Variants in USP50 observed in about 807,000 individuals in gnomAD.
USP50 encodes the protein ubiquitin specific peptidase 50.
Under a neutral mutation model 39.2 loss-of-function variants are expected in USP50, and 37 were observed. That is an observed-to-expected ratio of 0.94 (90% confidence interval 0.73 to 1.24). The LOEUF is 1.24. USP50 is among the 50% of genes most tolerant of loss of function. The pLI is 0.00. For missense variants in USP50, 374 were observed against 398.2 expected (o/e 0.94, Z 0.52); for synonymous variants, 139 against 144.5 (o/e 0.96, Z 0.27).
At chr15:50,496,660 G>A (rs1199612456), downstream of USP50, among the ~76,000 whole-genome samples, 2 of 152,054 alleles carry the variant, frequency 1.3e-5, no homozygotes, top group East Asian at 3.8e-4. Flanking sequence ...AAGTTAATTT[G>A]GAAAGTTGTC....
At chr15:50,539,571 A>AC (rs1446660307) in intron 4 of USP50, among the ~76,000 whole-genome samples, 3 of 151,964 alleles carry the variant, frequency 2.0e-5, no homozygotes. Context: ...GCGTGCCACC[A>AC]CACCCAGCTA....
At chr15:50,493,385 C>T (rs769878403), downstream of USP50, 2 of 519,362 alleles carry the variant, frequency 3.9e-6, no homozygotes, top group East Asian at 1.1e-4. Flanking sequence ...ACCCATTTTA[C>T]CTTTCAAACC....
chr15:50,497,253 C>T, downstream of USP50: 1 of 1,576,986 alleles, frequency 6.3e-7, no homozygotes, highest in Non-Finnish European at 8.6e-7. Flanking sequence ...AGTTTGTCCT[C>T]CTGTTCAGTG....
chr15:50,544,583 T>C lies in USP50; in HGVS notation c.248+4A>G, dbSNP rs753946951. 1 of 1,611,552 alleles carries C rather than the reference T, an allele frequency of 6.2e-7. No individual in the cohort carries two copies. The highest frequency in any genetic ancestry group is 8.5e-7 in the Non-Finnish European group (1 of 1,178,668). On this transcript the variant is annotated splice_donor_region_variant and intron_variant, in intron 2 of 6. Coordinates refer to ENST00000532404, the MANE Select transcript of USP50 (RefSeq NM_203494.5). ...TGGGCTGCAGGGAATGCAAATGGTC[T>C]TACTTTTGCAGAGCGGTGATATACT...
intron 6 of USP50, chr15:50,501,953 A>G (rs1051525108): frequency 6.6e-6 from 1 of 152,192 alleles, no homozygotes; most frequent in Admixed American, 6.5e-5. Context: ...ATTTGTTTAC[A>G]CTTTTCAGTG....
At chr15:50,502,963 C>T (rs1319849642) in intron 6 of USP50, 2 of 152,238 alleles carry the variant, frequency 1.3e-5, no homozygotes, top group African/African-American at 4.8e-5. Context: ...GGCTAGTACA[C>T]AGGAGTTATT....
chr15:50,496,444 G>A (rs1052663854), downstream of USP50, among the ~76,000 whole-genome samples: 23 of 140,834 alleles, frequency 1.6e-4, no homozygotes, highest in Non-Finnish European at 6.0e-5. Flanking sequence ...TCTCGCCACT[G>A]CACTCCAGCC....
intron 5 of USP50, among the ~76,000 whole-genome samples, chr15:50,536,757 T>C (rs1031013918): frequency 6.6e-6 from 1 of 151,984 alleles, no homozygotes; most frequent in South Asian, 2.1e-4. Flanking sequence ...ACAAGACCTA[T>C]AGAAGGAAAA....
chr15:50,500,838 C>T lies in USP50; in HGVS notation c.937-1G>A. On this transcript the variant is annotated splice_acceptor_variant, in intron 6 of 6. Transcript: ENST00000532404. LOFTEE classifies it high-confidence loss of function. ...CACCATCCAAATCACCAAAATGGTT[C>T]TATGGGAGAAAGGAATGTCAAACTT... 1 of 1,576,632 alleles carries T rather than the reference C, an allele frequency of 6.3e-7. No individual in the cohort carries two copies. Among genetic ancestry groups the T allele is most frequent in the Non-Finnish European group, 8.6e-7 (1 of 1,160,290 alleles).
intron 6 of USP50, among the ~76,000 whole-genome samples, chr15:50,527,805 T>C (rs2052910355): frequency 6.6e-6 from 1 of 151,742 alleles, no homozygotes; most frequent in Non-Finnish European, 1.5e-5. Context: ...CAGCTAATTT[T>C]TTTGTATTTT....
intron 3 of USP50, among the ~76,000 whole-genome samples, chr15:50,542,481 A>AC (rs2053037476): frequency 1.0e-5 from 1 of 97,396 alleles, no homozygotes; most frequent in Non-Finnish European, 1.9e-5. Context: ...TTTCCTTTTC[A>AC]TTTTTTTTTT....
At chr15:50,512,005 A>C (rs1261677500) in intron 6 of USP50, 1 of 152,184 alleles carries the variant, frequency 6.6e-6, no homozygotes, top group Non-Finnish European at 1.5e-5. Context: ...CAAAAAATAA[A>C]ATAAATAAAA....
downstream of USP50, chr15:50,493,031 G>A (rs1031553971): frequency 2.8e-6 from 3 of 1,062,642 alleles, no homozygotes; most frequent in Non-Finnish European, 4.3e-6. Context: ...TAGATAATTT[G>A]TAAAGAACAA....
chr15:50,539,636 G>A (rs541764888), intron 4 of USP50, among the ~76,000 whole-genome samples: 50 of 151,084 alleles, frequency 3.3e-4, no homozygotes, highest in African/African-American at 1.1e-3. Context: ...GGATAGTCTC[G>A]ATCTCTTGAT....
chr15:50,500,870 C>A, intron 6 of USP50, 33 bp from the exon 7 acceptor site: 1 of 1,494,998 alleles, frequency 6.7e-7, no homozygotes, highest in South Asian at 1.2e-5. Context: ...ACTTAGTATT[C>A]ACATATGAAC....
At chr15:50,528,256 A>ATG (rs1405832187) in intron 6 of USP50, among the ~76,000 whole-genome samples, 1 of 147,508 alleles carries the variant, frequency 6.8e-6, no homozygotes, top group Non-Finnish European at 1.5e-5. Flanking sequence ...ATATAAACAT[A>ATG]TATTTCCATA....
chr15:50,495,474 A>G (rs2052354813), intron 1 of USP50, among the ~76,000 whole-genome samples: 1 of 128,854 alleles, frequency 7.8e-6, no homozygotes, highest in South Asian at 2.7e-4. Context: ...TTCTTTTTTT[A>G]GTAGAGATTG....
downstream of USP50, chr15:50,498,463 C>G: frequency 1.7e-6 from 2 of 1,201,984 alleles, no homozygotes; most frequent in South Asian, 3.8e-5. Flanking sequence ...ACAGGTTCCT[C>G]TACTACTAAA....
At chr15:50,493,177 C>T (rs1323346932), downstream of USP50, 7 of 550,368 alleles carry the variant, frequency 1.3e-5, no homozygotes, top group Admixed American at 4.4e-5. Flanking sequence ...GAGCCCTAAA[C>T]GGCACCTAAT....
Sources: allele counts gnomAD v4.1 joint callset (sites outside exome capture counted in the v4.1 genomes callset), GRCh38; gene constraint gnomAD v4.1.1; transcripts MANE v1.5; gene names NCBI Gene and HGNC (gene_info 2026-07-23, HGNC 2026-07-21).